TMEM242: variants seen among roughly 807,000 people sequenced by gnomAD.
The protein encoded by TMEM242 is UPF0463 transmembrane protein C6orf35.
In TMEM242, 10 loss-of-function variants were observed where a neutral mutation model predicts 18.2. The observed-to-expected ratio is 0.55, with a 90% CI of 0.34 to 0.93. TMEM242 has a LOEUF of 0.93. Ranked by LOEUF, TMEM242 falls within the 40% of genes least tolerant of loss-of-function variation. The pLI is 0.02. For synonymous variants in TMEM242, 57 were observed against 69.9 expected (o/e 0.81, Z 0.92); for missense variants, 186 against 175.5 (o/e 1.06, Z -0.34).
intron 3 of TMEM242, among the ~76,000 whole-genome samples, chr6:157,316,091 A>G (rs1436485219): frequency 6.6e-6 from 1 of 152,242 alleles, no homozygotes; most frequent in Non-Finnish European, 1.5e-5. Context: ...ATTTTCAAAT[A>G]CCTTAAAATT....
intron 3 of TMEM242, chr6:157,300,270 C>T (rs1276427465): frequency 9.1e-6 from 3 of 331,240 alleles, no homozygotes; most frequent in East Asian, 6.7e-5. Flanking sequence ...ACTGCGGCTG[C>T]GCGGGCCTTG....
chr6:157,319,863 T>C (rs1426851262), intron 2 of TMEM242, among the ~76,000 whole-genome samples: 1 of 152,200 alleles, frequency 6.6e-6, no homozygotes, highest in Non-Finnish European at 1.5e-5. Flanking sequence ...GTTGGGCAAG[T>C]TGCTTAATTC....
intron 3 of TMEM242, among the ~76,000 whole-genome samples, chr6:157,316,443 A>C (rs947024743): frequency 2.6e-5 from 4 of 152,262 alleles, no homozygotes; most frequent in Non-Finnish European, 5.9e-5. Context: ...ATGGAAGAAG[A>C]GATTTTATAT....
At chr6:157,302,441 T>C (rs999527447) in intron 3 of TMEM242, among the ~76,000 whole-genome samples, 6 of 152,226 alleles carry the variant, frequency 3.9e-5, no homozygotes, top group Admixed American at 6.5e-5. Flanking sequence ...CTACTTTCTA[T>C]AGTCATTTTC....
chr6:157,296,142 C>T (rs1490799731), intron 3 of TMEM242, among the ~76,000 whole-genome samples: 1 of 152,188 alleles, frequency 6.6e-6, no homozygotes, highest in Non-Finnish European at 1.5e-5. Flanking sequence ...AGTAAATGTA[C>T]TGAATTCCTT....
intron 3 of TMEM242, among the ~76,000 whole-genome samples, chr6:157,294,366 T>C (rs965417599): frequency 2.7e-5 from 4 of 148,728 alleles, no homozygotes; most frequent in Non-Finnish European, 4.5e-5. Flanking sequence ...TTTTTTTTTT[T>C]TTGAGACGGA....
chr6:157,313,335 ATAGTG>A (rs2128416636), intron 3 of TMEM242, among the ~76,000 whole-genome samples: 1 of 151,798 alleles, frequency 6.6e-6, no homozygotes, highest in African/African-American at 2.4e-5. Flanking sequence ...TGGCCTCATC[ATAGTG>A]CCCCAGTGTG....
At chr6:157,306,373 G>A (rs1777918970) in intron 3 of TMEM242, among the ~76,000 whole-genome samples, 1 of 152,180 alleles carries the variant, frequency 6.6e-6, no homozygotes, top group Admixed American at 6.5e-5. Context: ...TGGGGGTCAG[G>A]GAAAAGCAAG....
chr6:157,304,962 G>C (rs1554247812), intron 3 of TMEM242, among the ~76,000 whole-genome samples: 1 of 152,204 alleles, frequency 6.6e-6, no homozygotes. Context: ...AGTGCAGTGG[G>C]AAGAGGTGAG....
At position 157,323,454 on chromosome 6, in the gene TMEM242, C is replaced by A; in HGVS notation, c.46G>T (p.Glu16Ter). Residue 16 changes from glutamate to a stop codon, truncating the protein, a stop_gained, in exon 1 of 4, where the codon GAG (glutamate) becomes TAG (stop). Coordinates refer to ENST00000400788, the MANE Select transcript of TMEM242 (RefSeq NM_018452.6). LOFTEE classifies it high-confidence loss of function. Reference protein sequence around the residue: ...AATGQPASGLEAPGSTNDRLF... With the variant: ...AATGQPASGL ...CGGTCATTCGTGGACCCCGGAGCCTCCAGCCCAGAGGCCGGCTGCCCAGTT... is the reference window on the plus strand; with the variant it reads ...CGGTCATTCGTGGACCCCGGAGCCTACAGCCCAGAGGCCGGCTGCCCAGTT... 6.2e-7 allele frequency: 1 copy of A among 1,614,128 alleles called. No homozygotes were observed. Among genetic ancestry groups the A allele is most frequent in the Non-Finnish European group, 8.5e-7 (1 of 1,179,994 alleles).
At position 157,305,094 on chromosome 6, in the gene TMEM242, C is replaced by A. The variant is rs1379461708; in HGVS notation, c.328-12095G>T. On this transcript the variant is annotated intron_variant, in intron 3 of 3. Coordinates refer to ENST00000400788, the MANE Select transcript of TMEM242 (RefSeq NM_018452.6). The surrounding 1 kb of genome is among the most constrained non-coding windows in gnomAD (Gnocchi z 4.1). ...TAAGGAAGTAGCATGATCTGACTCA[C>A]ATTTTTAAAATATCTCTGGCTGCTG... 6.6e-6 allele frequency among the ~76,000 whole-genome samples: 1 copy of A among 152,108 alleles called. No individual in the cohort carries two copies. The highest frequency in any genetic ancestry group is 1.9e-4 in the East Asian group (1 of 5,190).
chr6:157,307,348 C>A (rs1777929034), intron 3 of TMEM242, among the ~76,000 whole-genome samples: 2 of 152,156 alleles, frequency 1.3e-5, no homozygotes, highest in Non-Finnish European at 2.9e-5. Flanking sequence ...GCTTTTATGG[C>A]AGAGCTGATT....
chr6:157,291,225 C>T lies in TMEM242; in HGVS notation c.*1676G>A, dbSNP rs1167794867. On this transcript the variant is annotated 3_prime_UTR_variant, in exon 4 of 4. Transcript: ENST00000400788. Reference sequence around the variant, plus strand: ...TCCACCCAGTGGAGGCCTTTAGAAACCACTAGGCATTCTCCATCTATGAAA... The same window carrying T: ...TCCACCCAGTGGAGGCCTTTAGAAATCACTAGGCATTCTCCATCTATGAAA... 1.3e-5 allele frequency: 2 copies of T among 152,260 alleles called. No individual in the cohort carries two copies. The highest frequency in any genetic ancestry group is 4.8e-5 in the African/African-American group (2 of 41,480). 9.4% of individuals were successfully genotyped at this position (152,260 alleles called of 1,614,324 possible). A position where few individuals can be genotyped will look rare whatever the true frequency, so the allele number is the denominator to read the frequency against.
chr6:157,318,939 T>C lies in TMEM242; in HGVS notation c.190-20A>G, dbSNP rs781807248. Reference sequence around the variant, plus strand: ...ACTTCCCTGAAATGAAACAGAAAAGTTGAGGTAAAAACAATCAGTGCAGAA... The same window carrying C: ...ACTTCCCTGAAATGAAACAGAAAAGCTGAGGTAAAAACAATCAGTGCAGAA... On this transcript the variant is annotated intron_variant, in intron 2 of 3. Transcript: ENST00000400788. 3.2e-6 allele frequency: 5 copies of C among 1,586,382 alleles called. No individual in the cohort carries two copies. The South Asian group carries it at 4.6e-5, about 15-fold the overall frequency.
intron 3 of TMEM242, among the ~76,000 whole-genome samples, chr6:157,301,482 T>C (rs1777829375): frequency 6.6e-6 from 1 of 152,138 alleles, no homozygotes; most frequent in South Asian, 2.1e-4. Flanking sequence ...TGGCTAATTT[T>C]TGTATTTTTA....
At chr6:157,299,768 T>C (rs1173642036) in intron 3 of TMEM242, 8 of 1,602,398 alleles carry the variant, frequency 5.0e-6, no homozygotes, top group Non-Finnish European at 6.0e-6. Flanking sequence ...AAGGTAATCT[T>C]TGCTACAAAC....
intron 3 of TMEM242, among the ~76,000 whole-genome samples, chr6:157,310,409 C>A (rs150057506): frequency 6.6e-5 from 4 of 60,376 alleles, no homozygotes; most frequent in African/African-American, 2.0e-4. Context: ...TCCCAGTGGG[C>A]ACTCACCTGG....
intron 3 of TMEM242, chr6:157,299,420 C>T: frequency 1.5e-6 from 2 of 1,303,572 alleles, no homozygotes; most frequent in East Asian, 2.3e-5. Context: ...TACAGGAACA[C>T]TTGAGTCTCC....
intron 3 of TMEM242, among the ~76,000 whole-genome samples, chr6:157,300,472 C>A (rs1460536701): frequency 6.6e-6 from 1 of 152,230 alleles, no homozygotes. Flanking sequence ...AGGAAAAATG[C>A]TTCTATTAAC....
Sources: allele counts gnomAD v4.1 joint callset (sites outside exome capture counted in the v4.1 genomes callset), GRCh38; gene constraint gnomAD v4.1.1; non-coding constraint Gnocchi (gnomAD v3.1); transcripts MANE v1.5; gene names NCBI Gene and HGNC (gene_info 2026-07-23, HGNC 2026-07-21).